The following NFILZ variants were observed in gnomAD, a reference collection of about 807,000 sequenced individuals.
The protein encoded by NFILZ is NFIL3 like protein.
At chr19:8,637,541 A>T (rs1555746227) in intron 3 of NFILZ, among the ~76,000 whole-genome samples, 1 of 150,228 alleles carries the variant, frequency 6.7e-6, no homozygotes, top group East Asian at 2.0e-4. Flanking sequence ...TGAACTGGGG[A>T]GGTGGAGGTT....
rs1289957230 is a variant in NFILZ, at chr19:8,632,466, C to T, written c.-410-10C>T. ...GGTCATAAAGACCTTGCTGATAAAA[C>T]TGGTTGCAGTAAAGAAGCCGGCCCA... On this transcript the variant is annotated splice_polypyrimidine_tract_variant and intron_variant, in intron 1 of 5. Coordinates refer to ENST00000691075, the MANE Select transcript of NFILZ (RefSeq NM_001378600.1). 2.0e-5 allele frequency: 3 copies of T among 152,122 alleles called. No individual in the cohort carries two copies. Among genetic ancestry groups the T allele is most frequent in the African/African-American group, 7.2e-5 (3 of 41,416 alleles). 9.4% of individuals were successfully genotyped at this position (152,122 alleles called of 1,614,324 possible).
At chr19:8,671,406 G>T (rs1251063515) in intron 3 of NFILZ, among the ~76,000 whole-genome samples, 1 of 144,348 alleles carries the variant, frequency 6.9e-6, no homozygotes, top group African/African-American at 2.6e-5. Flanking sequence ...AGGTGTAGGG[G>T]GCGGTGGTTA....
At chr19:8,654,384 A>C (rs1555748119) in intron 3 of NFILZ, among the ~76,000 whole-genome samples, 1 of 151,540 alleles carries the variant, frequency 6.6e-6, no homozygotes, top group African/African-American at 2.4e-5. Flanking sequence ...TTGGGAAGCC[A>C]AGGCGGGAGG....
chr19:8,642,661 C>G (rs1008973163), intron 3 of NFILZ, among the ~76,000 whole-genome samples: 8 of 152,052 alleles, frequency 5.3e-5, no homozygotes, highest in Admixed American at 2.6e-4. Flanking sequence ...TGGGCTTGCT[C>G]AAGCTCATTC....
At chr19:8,663,722 T>TTGTGTGTGTGTGTGTATG in intron 3 of NFILZ, among the ~76,000 whole-genome samples, 1 of 10,812 alleles carries the variant, frequency 9.2e-5, no homozygotes, top group African/African-American at 3.1e-4. Context: ...GTGTGTGTGT[T>TTGTGTGTGTGTGTGTATG]TGTGTGTGTG....
At chr19:8,651,785 G>A (rs1479033187) in intron 3 of NFILZ, among the ~76,000 whole-genome samples, 5 of 150,528 alleles carry the variant, frequency 3.3e-5, no homozygotes, top group African/African-American at 9.8e-5. Context: ...CTCCCTCTGC[G>A]GCCTCCCAAA....
chr19:8,656,465 AAGCCCACCTTCTCCCGC>A (rs797037381), intron 3 of NFILZ, among the ~76,000 whole-genome samples: 4,216 of 78,162 alleles, frequency 0.054, 720 homozygotes, highest in East Asian at 0.37. Flanking sequence ...CTTCTCTCTG[AAGCCCACCTTCTCCCGC>A]AGCCCACCTT....
At chr19:8,640,324 T>TTTTTTG (rs2042913963) in intron 3 of NFILZ, among the ~76,000 whole-genome samples, 1 of 150,816 alleles carries the variant, frequency 6.6e-6, no homozygotes. Context: ...TAGTTTTTTT[T>TTTTTTG]TTTTTTTTTT....
chr19:8,663,868 A>G (rs1256154827), intron 3 of NFILZ, among the ~76,000 whole-genome samples: 1 of 151,300 alleles, frequency 6.6e-6, no homozygotes, highest in African/African-American at 2.4e-5. Flanking sequence ...TCGAAGAGAG[A>G]CCCTCCTGGC....
chr19:8,673,335 G>T (rs962800131), intron 3 of NFILZ, among the ~76,000 whole-genome samples: 2 of 152,192 alleles, frequency 1.3e-5, no homozygotes, highest in Admixed American at 1.3e-4. Context: ...GGACACCTGA[G>T]CAAGGTTATG....
intron 3 of NFILZ, among the ~76,000 whole-genome samples, chr19:8,663,718 G>GTT (rs1600151745): frequency 1.4e-5 from 2 of 145,256 alleles, no homozygotes; most frequent in South Asian, 2.3e-4. Context: ...GTGTGTGTGT[G>GTT]TGTTTGTGTG....
intron 2 of NFILZ, among the ~76,000 whole-genome samples, chr19:8,633,510 G>A (rs2042879981): frequency 1.3e-5 from 2 of 152,170 alleles, no homozygotes; most frequent in African/African-American, 4.8e-5. Flanking sequence ...AAGGTGTCTT[G>A]ACCTTGAACT....
At chr19:8,635,056 T>C (rs1226152828) in intron 2 of NFILZ, among the ~76,000 whole-genome samples, 1 of 151,972 alleles carries the variant, frequency 6.6e-6, no homozygotes, top group Non-Finnish European at 1.5e-5. Flanking sequence ...ACACTTGTAA[T>C]CCTAGCACTT....
chr19:8,656,335 TTCCTGAAGC>T (rs2042996074), intron 3 of NFILZ, among the ~76,000 whole-genome samples: 1 of 24,962 alleles, frequency 4.0e-5, no homozygotes, highest in African/African-American at 9.1e-5. Flanking sequence ...AGCCCCCTTC[TTCCTGAAGC>T]CCACCTCTTC....
intron 3 of NFILZ, among the ~76,000 whole-genome samples, chr19:8,653,317 T>C (rs550546772): frequency 3.3e-5 from 5 of 152,214 alleles, no homozygotes; most frequent in East Asian, 1.9e-4. Flanking sequence ...CTGATCTCAG[T>C]TGATCTGCCC....
At chr19:8,638,211 G>A (rs1474578064) in intron 3 of NFILZ, among the ~76,000 whole-genome samples, 1 of 152,168 alleles carries the variant, frequency 6.6e-6, no homozygotes, top group Admixed American at 6.5e-5. Flanking sequence ...CGCGGTAAAC[G>A]CTAAGCCAGG....
chr19:8,660,609 T>TTCTCTCCTTCCC (rs1431839617), intron 3 of NFILZ, among the ~76,000 whole-genome samples: 2 of 130,020 alleles, frequency 1.5e-5, no homozygotes, highest in Non-Finnish European at 3.3e-5. Flanking sequence ...CCCTCCTTCC[T>TTCTCTCCTTCCC]TCTCTCCTTC....
At chr19:8,653,228 G>GCAC (rs1354812141) in intron 3 of NFILZ, among the ~76,000 whole-genome samples, 1 of 151,644 alleles carries the variant, frequency 6.6e-6, no homozygotes. Flanking sequence ...TTATAGGCAC[G>GCAC]CACCACCACA....
At chr19:8,649,456 G>A (rs1401570109) in intron 3 of NFILZ, among the ~76,000 whole-genome samples, 3 of 151,874 alleles carry the variant, frequency 2.0e-5, no homozygotes, top group East Asian at 1.9e-4. Flanking sequence ...TGTTAGAAAC[G>A]GGATTTTGCC....
Sources: gnomAD v4.1 joint callset for allele counts (sites outside exome capture counted in the v4.1 genomes callset) on GRCh38, gnomAD v4.1.1 for gene constraint, MANE v1.5 for transcripts, NCBI Gene and HGNC (gene_info 2026-07-23, HGNC 2026-07-21) for gene names.